The following SLC46A1 variants were observed in gnomAD, a reference collection of about 807,000 sequenced individuals.
The protein encoded by SLC46A1 is solute carrier family 46 member 1, also known as proton-coupled folate transporter.
SLC46A1 carries 17 observed loss-of-function variants against 32.1 expected under a neutral mutation model. The observed-to-expected ratio is 0.53, with a 90% CI of 0.36 to 0.79. The LOEUF (loss-of-function observed/expected upper bound fraction) is 0.79. SLC46A1 is among the 30% of genes least tolerant of loss of function. SLC46A1 has a pLI of 0.00. For synonymous variants in SLC46A1, 240 were observed against 262.7 expected, an observed-to-expected ratio of 0.91 and a Z score of 0.84; for missense variants, 517 against 588.2, an observed-to-expected ratio of 0.88 and a Z score of 1.25.
Position 28,402,368 on chromosome 17 carries a change from G to A in SLC46A1, c.1082-47C>T, listed in dbSNP as rs551547051. 40 of 1,526,964 alleles carry A rather than the reference G, an allele frequency of 2.6e-5. No homozygotes were observed. In the East Asian group the frequency reaches 4.3e-4, roughly 17 times the overall value. The allele number at this position is 1,526,964 out of a possible 1,614,324, so 94.6% of individuals were successfully genotyped here. A position where few individuals can be genotyped will look rare whatever the true frequency, so the allele number is the denominator to read the frequency against. The stretch of plus-strand genomic sequence containing the variant: ...TCAGGAAAATGGGGCTGGGGAGAGG[G>A]GCGTCCAAGGGAAAGGCAGCAGAGC... On this transcript the variant is annotated intron_variant, in intron 2 of 4. Transcript: ENST00000612814.
chr17:28,401,133 A>G, intron 3 of SLC46A1: 1 of 339,842 alleles, frequency 2.9e-6, no homozygotes, highest in South Asian at 2.5e-5. Context: ...TTTGGGATTA[A>G]CTGCTGGTCT....
chr17:28,397,691 A>G lies in SLC46A1; in HGVS notation c.*1965T>C, dbSNP rs2068145137. 1 of 152,264 alleles carries G rather than the reference A, an allele frequency of 6.6e-6. No individual in the cohort carries two copies. Among genetic ancestry groups the G allele is most frequent in the Non-Finnish European group, 1.5e-5 (1 of 68,064 alleles). The allele number at this position is 152,264 out of a possible 1,614,324, so 9.4% of individuals were successfully genotyped here. A position where few individuals can be genotyped will look rare whatever the true frequency, so the allele number is the denominator to read the frequency against. ...GCAGCGGGGGATAGGATTTTGCAACAAAAAGCTGACCCAGAGGCCATACAG... is the reference window on the plus strand; with the variant it reads ...GCAGCGGGGGATAGGATTTTGCAACGAAAAGCTGACCCAGAGGCCATACAG... On this transcript the variant is annotated 3_prime_UTR_variant, in exon 5 of 5. Coordinates refer to ENST00000612814, the MANE Select transcript of SLC46A1 (RefSeq NM_080669.6).
rs1316656588 is a variant in SLC46A1, at chr17:28,405,482, A to G, written c.229-14T>C. 12 of 1,595,294 alleles carry G rather than the reference A, an allele frequency of 7.5e-6. No homozygotes were observed. The highest frequency in any genetic ancestry group is 1.3e-5 in the African/African-American group (1 of 74,556). ...GGTCTCCACTTCCTGTAGGGGCACA[A>G]TGACCAGGGTGCGGTTCCTCACTCT... On this transcript the variant is annotated splice_polypyrimidine_tract_variant and intron_variant, in intron 1 of 4. Transcript: ENST00000612814.
rs782018017 is a variant in SLC46A1, at chr17:28,402,248, C to G, written c.1155G>C (p.Glu385Asp). The G allele has an allele frequency of 6.2e-7, 1 of 1,613,126 alleles. No homozygotes were observed. Among genetic ancestry groups the G allele is most frequent in the Non-Finnish European group, 8.5e-7 (1 of 1,179,514 alleles). Residue 385 changes from glutamate to aspartate, a missense_variant, in exon 3 of 5, where the codon GAG becomes GAC. Transcript: ENST00000612814. The part of the protein sequence containing the change: ...IRAKLSKLVR[E>D]TEQGALFSAV... Reference sequence around the variant, plus strand: ...GGTTCTGACACTCACCCTGCTCTGTCTCTCTCACCAGCTTGGAGAGTTTAG... The same window carrying G: ...GGTTCTGACACTCACCCTGCTCTGTGTCTCTCACCAGCTTGGAGAGTTTAG...
Position 28,400,612 on chromosome 17 carries a change from A to G in SLC46A1, c.1320T>C (p.Ile440=), listed in dbSNP as rs890413466. ...AGLLLIPAVL[I]GMLEKADPHL... is the part of the protein sequence containing the mutation. ...ATGGGTTCAGGGCCCTGCATTACCC[A>G]ATCAGAACAGCCGGGATGAGCAGGA... Residue 440 remains isoleucine, a splice_region_variant and synonymous_variant, in exon 4 of 5, where the codon ATT becomes ATC. Coordinates refer to ENST00000612814, the MANE Select transcript of SLC46A1 (RefSeq NM_080669.6). 117 of 1,613,718 alleles carry G rather than the reference A, an allele frequency of 7.3e-5. No homozygotes were observed. The highest frequency in any genetic ancestry group is 9.7e-5 in the Non-Finnish European group (115 of 1,179,764).
At position 28,405,947 on chromosome 17, in the gene SLC46A1, G is replaced by C; in HGVS notation, c.168C>G (p.Gly56=). The stretch of plus-strand genomic sequence containing the variant: ...CCCCCCTTTGGCGGGTGCCATTGTA[G>C]CCGAGGTCGGCGCTGAAGCGGTGCC... ...YLWHRFSADL[G]YNGTRQRGGC... The change falls in exon 1 of 5, where the codon GGC becomes GGG. Residue 56 remains glycine, a synonymous_variant. Transcript: ENST00000612814. The C allele has an allele frequency of 6.2e-7, 1 of 1,611,160 alleles. No individual in the cohort carries two copies. Among genetic ancestry groups the C allele is most frequent in the South Asian group, 1.1e-5 (1 of 90,640 alleles).
At chr17:28,402,150 G>A in intron 3 of SLC46A1, 88 bp downstream of exon 3, 1 of 1,145,230 alleles carries the variant, frequency 8.7e-7, no homozygotes, top group African/African-American at 1.5e-5. Context: ...GGGAAGGCAA[G>A]CTGTTCCCCC....
chr17:28,395,151 A>G lies in SLC46A1; in HGVS notation c.*4505T>C, dbSNP rs1465259502. 6.6e-6 allele frequency: 1 copy of G among 152,240 alleles called. No individual in the cohort carries two copies. The highest frequency in any genetic ancestry group is 1.5e-5 in the Non-Finnish European group (1 of 68,044). 9.4% of individuals were successfully genotyped at this position (152,240 alleles called of 1,614,324 possible). A position where few individuals can be genotyped will look rare whatever the true frequency, so the allele number is the denominator to read the frequency against. On this transcript the variant is annotated 3_prime_UTR_variant, in exon 5 of 5. Transcript: ENST00000612814. ...GGTTTGATTTAACAAAGCTTGAATA[A>G]TAGTAATAAATAATATTATTAATCT... is the stretch of plus-strand genomic sequence containing the variant.
intron 4 of SLC46A1, 191 bp downstream of exon 4, chr17:28,400,419 G>A (rs185918175): frequency 1.6e-4 from 102 of 645,836 alleles, no homozygotes; most frequent in African/African-American, 1.1e-3. Context: ...CACCTAGCTC[G>A]CCATCTCGCC....
At position 28,396,810 on chromosome 17, in the gene SLC46A1, T is replaced by C. The variant is rs868964014; in HGVS notation, c.*2846A>G. 6.4e-6 allele frequency: 1 copy of C among 156,152 alleles called. No homozygotes were observed. Among genetic ancestry groups the C allele is most frequent in the African/African-American group, 2.4e-5 (1 of 41,508 alleles). 9.7% of individuals were successfully genotyped at this position (156,152 alleles called of 1,614,324 possible). A position where few individuals can be genotyped will look rare whatever the true frequency, so the allele number is the denominator to read the frequency against. On this transcript the variant is annotated 3_prime_UTR_variant, in exon 5 of 5. Coordinates refer to ENST00000612814, the MANE Select transcript of SLC46A1 (RefSeq NM_080669.6). ...GCACTTACAACTTCCTGCCGCTCTG[T>C]GGCCTTGCCCTGTAATCACTCAGTG...
rs895263586 is a variant in SLC46A1, at chr17:28,400,177, G to C, written c.1322+433C>G. On this transcript the variant is annotated intron_variant, in intron 4 of 4. Transcript: ENST00000612814. ...CCCACAGGATCGGGATTACAGGCAA[G>C]AGCCTCCACGCCCGGCCATGAAATA... The C allele has an allele frequency of 4.9e-5, 12 of 243,556 alleles. No homozygotes were observed. The Admixed American group carries it at 6.1e-4, about 12-fold the overall frequency. 15.1% of individuals were successfully genotyped at this position (243,556 alleles called of 1,614,324 possible).
rs1240232887 is a variant in SLC46A1, at chr17:28,394,815, C to T, written c.*4841G>A. On this transcript the variant is annotated 3_prime_UTR_variant, in exon 5 of 5. Coordinates refer to ENST00000612814, the MANE Select transcript of SLC46A1 (RefSeq NM_080669.6). ...AACTGGAGAAGTTAAGGTTTCACTT[C>T]CACAGGCAAAGAGAGAGGAATTTTA... The T allele has an allele frequency of 6.6e-6, 1 of 152,144 alleles. No homozygotes were observed. Among genetic ancestry groups the T allele is most frequent in the African/African-American group, 2.4e-5 (1 of 41,424 alleles). 9.4% of individuals were successfully genotyped at this position (152,144 alleles called of 1,614,324 possible). A position where few individuals can be genotyped will look rare whatever the true frequency, so the allele number is the denominator to read the frequency against.
chr17:28,402,444 T>C, intron 2 of SLC46A1, 123 bp from the exon 3 acceptor site: 1 of 767,540 alleles, frequency 1.3e-6, no homozygotes. Context: ...AAGAACTTCC[T>C]TGATGGTGAG....
rs2068250032 is a variant in SLC46A1, at chr17:28,405,622, AG to A, written c.229-155del. 1.7e-5 allele frequency: 21 copies of A among 1,203,040 alleles called. No homozygotes were observed. In the South Asian group the frequency reaches 3.0e-4, roughly 17 times the overall value. 74.5% of individuals were successfully genotyped at this position (1,203,040 alleles called of 1,614,324 possible). A position where few individuals can be genotyped will look rare whatever the true frequency, so the allele number is the denominator to read the frequency against. ...CAGCTTTCAAAATCTGCCAGTGGAG[AG>A]GGGGAAGGACATGGACCAAGGCCCC... is the stretch of plus-strand genomic sequence containing the variant. On this transcript the variant is annotated intron_variant, in intron 1 of 4. Coordinates refer to ENST00000612814, the MANE Select transcript of SLC46A1 (RefSeq NM_080669.6).
In SLC46A1 at chr17:28,399,595, A is replaced by T; in HGVS notation, c.*61T>A. On this transcript the variant is annotated 3_prime_UTR_variant, in exon 5 of 5. Coordinates refer to ENST00000612814, the MANE Select transcript of SLC46A1 (RefSeq NM_080669.6). Reference sequence around the variant, plus strand: ...CTGTGGGCTGGGCTTCCAGCTGCAGACCTCCAGTTGCTTGGTGTTCACTTT... The same window carrying T: ...CTGTGGGCTGGGCTTCCAGCTGCAGTCCTCCAGTTGCTTGGTGTTCACTTT... The T allele has an allele frequency of 1.3e-6, 2 of 1,566,964 alleles. No individual in the cohort carries two copies. Among genetic ancestry groups the T allele is most frequent in the Non-Finnish European group, 1.8e-6 (2 of 1,138,152 alleles).
At position 28,396,221 on chromosome 17, in the gene SLC46A1, T is replaced by G. The variant is rs782222454; in HGVS notation, c.*3435A>C. 3.7e-6 allele frequency: 6 copies of G among 1,613,956 alleles called. No individual in the cohort carries two copies. The highest frequency in any genetic ancestry group is 5.1e-6 in the Non-Finnish European group (6 of 1,179,858). Reference sequence around the variant, plus strand: ...CATCCGCTTCCTGCAGGGCCGCTCCTCCCGGGACTCATCTGCAGGCTCTGA... The same window carrying G: ...CATCCGCTTCCTGCAGGGCCGCTCCGCCCGGGACTCATCTGCAGGCTCTGA... On this transcript the variant is annotated 3_prime_UTR_variant, in exon 5 of 5. Transcript: ENST00000612814.
chr17:28,399,520 C>T lies in SLC46A1; in HGVS notation c.*136G>A. ...GGGGTGGTGCCTTGGTCTCTCTTGA[C>T]TACCTCGTCCAAAGAGAGCACTGCC... On this transcript the variant is annotated 3_prime_UTR_variant, in exon 5 of 5. Coordinates refer to ENST00000612814, the MANE Select transcript of SLC46A1 (RefSeq NM_080669.6). 1.2e-6 allele frequency: 1 copy of T among 849,654 alleles called. No individual in the cohort carries two copies. Among genetic ancestry groups the T allele is most frequent in the Non-Finnish European group, 1.9e-6 (1 of 529,088 alleles). The allele number at this position is 849,654 out of a possible 1,614,324, so 52.6% of individuals were successfully genotyped here. A position where few individuals can be genotyped will look rare whatever the true frequency, so the allele number is the denominator to read the frequency against.
chr17:28,403,237 G>C (rs1041267128), intron 2 of SLC46A1: 2 of 152,276 alleles, frequency 1.3e-5, no homozygotes, highest in African/African-American at 2.4e-5. Context: ...CCCCAAGTTT[G>C]TGGTATGTCA....
At position 28,406,072 on chromosome 17, in the gene SLC46A1, G is replaced by A. The variant is rs781838735; in HGVS notation, c.43C>T (p.Pro15Ser). 5.7e-5 allele frequency: 91 copies of A among 1,588,872 alleles called. 1 individual carries two copies. The South Asian group carries it at 7.3e-4, about 13-fold the overall frequency. Residue 15 changes from proline (P) to serine (S), a missense_variant, in exon 1 of 5, where the codon CCT becomes TCT. Transcript: ENST00000612814. The surrounding 1 kb of genome is among the most constrained non-coding windows in gnomAD (Gnocchi z 4.5). ...ASPPEKPRAR[P>S]AAAVLCRGPV... is the part of the protein sequence containing the mutation. ...CCCCGGCACAGCACGGCAGCCGCAG[G>A]GCGGGCGCGGGGCTTTTCCGGGGGG...
Sources: allele counts gnomAD v4.1 joint callset, GRCh38; gene constraint gnomAD v4.1.1; non-coding constraint Gnocchi (gnomAD v3.1); transcripts MANE v1.5; gene names NCBI Gene and HGNC (gene_info 2026-07-23, HGNC 2026-07-21).